SLCO3A1: variants seen among roughly 807,000 people sequenced by gnomAD.
SLCO3A1 encodes the protein PGE1 transporter.
SLCO3A1 carries 27 observed loss-of-function variants against 63.1 expected under a neutral mutation model. That is an observed-to-expected ratio of 0.43 (90% CI 0.32 to 0.59). The LOEUF (loss-of-function observed/expected upper bound fraction) is 0.59. Among genes scored for constraint, SLCO3A1 ranks in the 20% least tolerant of loss-of-function variants. The pLI is 0.09. For synonymous variants in SLCO3A1, 473 were observed against 409.9 expected (o/e 1.15, Z -1.86); for missense variants, 773 against 945.8 (o/e 0.82, Z 2.40).
intron 2 of SLCO3A1, among the ~76,000 whole-genome samples, chr15:91,946,082 G>A (rs911406871): frequency 6.6e-6 from 1 of 152,232 alleles, no homozygotes; most frequent in Non-Finnish European, 1.5e-5. Context: ...TCCTGCACTA[G>A]TTTGTGGGCA....
At chr15:92,148,459 C>T (rs920927339) in intron 8 of SLCO3A1, among the ~76,000 whole-genome samples, 19 of 152,292 alleles carry the variant, frequency 1.2e-4, no homozygotes, top group African/African-American at 4.3e-4. Flanking sequence ...TTAGCAAGGC[C>T]TTGCGAATGT....
intron 2 of SLCO3A1, among the ~76,000 whole-genome samples, chr15:91,930,724 A>G (rs1444583516): frequency 1.3e-5 from 2 of 152,238 alleles, no homozygotes; most frequent in African/African-American, 2.4e-5. Flanking sequence ...AAATCACCCA[A>G]TGTTTATTAA....
intron 1 of SLCO3A1, among the ~76,000 whole-genome samples, chr15:91,877,339 G>A (rs1567167341): frequency 6.6e-6 from 1 of 152,106 alleles, no homozygotes; most frequent in Non-Finnish European, 1.5e-5. Context: ...ATTTTAAGAT[G>A]TTCGTGTTCT....
In SLCO3A1 at chr15:92,143,393, T is replaced by TAAAATATA. The variant is rs1567142694; in HGVS notation, c.1513-3591_1513-3590insAAAATATA. ...TTATATAATATATATAATATATATA[T>TAAAATATA]TATATAATATATATAATATATATAT... On this transcript the variant is annotated intron_variant, in intron 7 of 9. Transcript: ENST00000318445. 2.7e-3 allele frequency among the ~76,000 whole-genome samples: 10 copies of TAAAATATA among 3,664 alleles called. 2 individuals are homozygous for TAAAATATA. The highest frequency in any genetic ancestry group is 0.013 in the African/African-American group (10 of 780). The allele number at this position is 3,664 out of a possible 152,430, so 2.4% of individuals were successfully genotyped here.
At chr15:92,127,903 C>T (rs1256776603) in intron 6 of SLCO3A1, among the ~76,000 whole-genome samples, 1 of 152,072 alleles carries the variant, frequency 6.6e-6, no homozygotes, top group African/African-American at 2.4e-5. Flanking sequence ...AAGTTAAATC[C>T]TCAGTGGTGC....
chr15:92,010,399 A>G (rs2046356280), intron 2 of SLCO3A1, among the ~76,000 whole-genome samples: 1 of 152,242 alleles, frequency 6.6e-6, no homozygotes, highest in Non-Finnish European at 1.5e-5. Flanking sequence ...GTTTAACTGC[A>G]TTCAGTCCAG....
At chr15:92,025,088 C>T (rs1375779127) in intron 2 of SLCO3A1, among the ~76,000 whole-genome samples, 1 of 151,902 alleles carries the variant, frequency 6.6e-6, no homozygotes, top group Non-Finnish European at 1.5e-5. Flanking sequence ...GGCATGTCCT[C>T]ATGGTGTGGC....
In SLCO3A1 at chr15:91,853,965, G is replaced by C. The variant is rs1896844211; in HGVS notation, c.57G>C (p.Gln19His). ...SSGGGRSGEL[Q>H]GDEAQRNKKK... Reference sequence around the variant, plus strand: ...GCGGCGGCCGGAGCGGCGAGCTGCAGGGGGACGAGGCGCAGAGGAACAAGA... The same window carrying C: ...GCGGCGGCCGGAGCGGCGAGCTGCACGGGGACGAGGCGCAGAGGAACAAGA... The change falls in exon 1 of 10, where the codon CAG (glutamine) becomes CAC (histidine). Residue 19 changes from glutamine to histidine, a missense_variant. Coordinates refer to ENST00000318445, the MANE Select transcript of SLCO3A1 (RefSeq NM_013272.4). 2 of 1,499,656 alleles carry C rather than the reference G, an allele frequency of 1.3e-6. No homozygotes were observed. Among genetic ancestry groups the C allele is most frequent in the South Asian group, 1.3e-5 (1 of 79,656 alleles). 92.9% of individuals were successfully genotyped at this position (1,499,656 alleles called of 1,614,324 possible).
Position 91,897,437 on chromosome 15 carries a change from C to T in SLCO3A1, c.181-18556C>T, listed in dbSNP as rs1045679608. Among the ~76,000 whole-genome samples the T allele has an allele frequency of 6.6e-6, 1 of 151,924 alleles. No homozygotes were observed. The highest frequency in any genetic ancestry group is 1.5e-5 in the Non-Finnish European group (1 of 68,012). On this transcript the variant is annotated intron_variant, in intron 1 of 9. Transcript: ENST00000318445. The surrounding 1 kb of genome is among the most constrained non-coding windows in gnomAD (Gnocchi z 4.7). ...CTGCACTCCAGCCTGGGCAATGGAG[C>T]GAGACTCTGTCTAAAAACAAACAAA...
rs955622788 is a variant in SLCO3A1 at position 91,894,044 on chromosome 15, G to A, written c.181-21949G>A. The stretch of plus-strand genomic sequence containing the variant: ...AAGGAAGCCTTTCTCAGGAGGGGAC[G>A]TTTGAGCTAAGACCTGCCTGGGGAG... On this transcript the variant is annotated intron_variant, in intron 1 of 9. Coordinates refer to ENST00000318445, the MANE Select transcript of SLCO3A1 (RefSeq NM_013272.4). This position sits in a 1 kb window ranked among gnomAD's most constrained non-coding sequence, Gnocchi z 4.8. 3.3e-5 allele frequency among the ~76,000 whole-genome samples: 5 copies of A among 152,194 alleles called. No homozygotes were observed. The highest frequency in any genetic ancestry group is 1.3e-4 in the Admixed American group (2 of 15,284).
chr15:91,976,958 G>A (rs1355854799), intron 2 of SLCO3A1, among the ~76,000 whole-genome samples: 3 of 152,134 alleles, frequency 2.0e-5, no homozygotes, highest in Non-Finnish European at 4.4e-5. Flanking sequence ...CACTGTCATT[G>A]AGAACATCTT....
At chr15:92,168,005 T>C (rs2048502519), downstream of SLCO3A1, among the ~76,000 whole-genome samples, 3 of 152,246 alleles carry the variant, frequency 2.0e-5, no homozygotes, top group Admixed American at 2.0e-4. Flanking sequence ...TTTTCATTCC[T>C]TTACTTAAAA....
intron 2 of SLCO3A1, among the ~76,000 whole-genome samples, chr15:91,953,321 G>C (rs533901238): frequency 2.0e-5 from 3 of 152,328 alleles, no homozygotes; most frequent in Admixed American, 6.5e-5. Context: ...TGGCTGGGGC[G>C]ATGAGTGAAG....
intron 2 of SLCO3A1, among the ~76,000 whole-genome samples, chr15:91,995,742 A>C (rs1230911737): frequency 6.6e-6 from 1 of 151,878 alleles, no homozygotes; most frequent in Non-Finnish European, 1.5e-5. Flanking sequence ...TGAAAAAAAA[A>C]AAAAAAAAAA....
At chr15:91,994,110 A>G (rs549161997) in intron 2 of SLCO3A1, among the ~76,000 whole-genome samples, 1 of 152,334 alleles carries the variant, frequency 6.6e-6, no homozygotes, top group African/African-American at 2.4e-5. Context: ...ATAAATGTTT[A>G]TTGTATTAAG....
chr15:92,099,044 G>T (rs1191651509), intron 3 of SLCO3A1, among the ~76,000 whole-genome samples: 1 of 152,250 alleles, frequency 6.6e-6, no homozygotes, highest in African/African-American at 2.4e-5. Context: ...TTAGCCAGAA[G>T]GCGGCTCCCT....
At chr15:92,018,029 G>A (rs1031285647) in intron 2 of SLCO3A1, among the ~76,000 whole-genome samples, 4 of 152,178 alleles carry the variant, frequency 2.6e-5, no homozygotes, top group Admixed American at 6.5e-5. Context: ...AGGTGCCAGC[G>A]ATGAGATGAC....
At chr15:92,078,460 G>A (rs1239538917) in intron 2 of SLCO3A1, among the ~76,000 whole-genome samples, 6 of 152,192 alleles carry the variant, frequency 3.9e-5, no homozygotes, top group African/African-American at 1.4e-4. Context: ...GCCTGACCTC[G>A]GCGCACCTCC....
chr15:92,044,122 C>T (rs1224175049), intron 2 of SLCO3A1, among the ~76,000 whole-genome samples: 4 of 152,132 alleles, frequency 2.6e-5, no homozygotes, highest in Admixed American at 2.6e-4. Flanking sequence ...AGAGTCAGCC[C>T]CACCAGTGAC....
Sources: gnomAD v4.1 joint callset for allele counts (sites outside exome capture counted in the v4.1 genomes callset) on GRCh38, gnomAD v4.1.1 for gene constraint, Gnocchi (gnomAD v3.1) non-coding constraint, MANE v1.5 for transcripts, NCBI Gene and HGNC (gene_info 2026-07-23, HGNC 2026-07-21) for gene names.